The following CSMD1 variants were observed in gnomAD, a reference collection of about 807,000 sequenced individuals.
The protein encoded by CSMD1 is CUB and Sushi multiple domains 1.
Under a neutral mutation model 417.5 loss-of-function variants are expected in CSMD1, and 213 were observed. The observed-to-expected ratio is 0.51, with a 90% CI of 0.46 to 0.57. CSMD1 has a LOEUF of 0.57. Among genes scored for constraint, CSMD1 ranks in the 20% least tolerant of loss-of-function variants. The pLI is 0.00. For synonymous variants in CSMD1, 2,862 were observed against 1,736.8 expected, an observed-to-expected ratio of 1.65 and a Z score of -16.11; for missense variants, 6,923 against 4,529.7, an observed-to-expected ratio of 1.53 and a Z score of -15.17.
chr8:4,494,033 G>A (rs995039606), intron 2 of CSMD1, among the ~76,000 whole-genome samples: 2 of 152,128 alleles, frequency 1.3e-5, no homozygotes, highest in African/African-American at 4.8e-5. Context: ...GGCCCTGGGG[G>A]AAGGAACATG....
At chr8:4,673,024 C>T (rs116908237) in intron 1 of CSMD1, among the ~76,000 whole-genome samples, 1,619 of 152,134 alleles carry the variant, frequency 0.011, 4 homozygotes, top group South Asian at 0.017. Flanking sequence ...ATGGCACACA[C>T]GCACACGGTG....
At position 4,994,368 on chromosome 8, in the gene CSMD1, G is replaced by A. The variant is rs750460703; in HGVS notation, c.49C>T (p.Leu17=). ...GTGAGGAGCCTCGCGCACAGCACCA[G>A]CAGCCCGAGAAGCAGGAGCAGCGAC... is the stretch of plus-strand genomic sequence containing the variant. ...FQSLLLLLGL[L]VLCARLLTAA... The change falls in exon 1 of 70, where the codon CTG becomes TTG. Residue 17 remains leucine (L), a synonymous_variant. Transcript: ENST00000635120. 1.9e-6 allele frequency: 3 copies of A among 1,612,008 alleles called. No individual in the cohort carries two copies. Among genetic ancestry groups the A allele is most frequent in the Admixed American group, 1.7e-5 (1 of 60,028 alleles).
At chr8:4,756,112 C>A (rs774036590) in intron 1 of CSMD1, among the ~76,000 whole-genome samples, 1 of 152,150 alleles carries the variant, frequency 6.6e-6, no homozygotes, top group Non-Finnish European at 1.5e-5. Context: ...TTCTTTTTCA[C>A]AGGAGTATAT....
chr8:3,005,117 C>A (rs943347692), intron 52 of CSMD1, among the ~76,000 whole-genome samples: 1 of 152,022 alleles, frequency 6.6e-6, no homozygotes, highest in Non-Finnish European at 1.5e-5. Context: ...CCAGCCTGGA[C>A]GACAGAGCAA....
At position 4,260,197 on chromosome 8, in the gene CSMD1, G is replaced by A. The variant is rs369658710; in HGVS notation, c.415+159756C>T. On this transcript the variant is annotated intron_variant, in intron 3 of 69. Coordinates refer to ENST00000635120, the MANE Select transcript of CSMD1 (RefSeq NM_033225.6). ...TTGCAAGTATTGATTATTATCAGGT[G>A]TTGCCTATCTAATTGGGGTGAACAC... Among the ~76,000 whole-genome samples the A allele has an allele frequency of 3.3e-5, 5 of 152,138 alleles. No homozygotes were observed. The East Asian group carries it at 5.8e-4, about 18-fold the overall frequency.
At chr8:4,884,472 T>G (rs1348945454) in intron 1 of CSMD1, among the ~76,000 whole-genome samples, 1 of 152,028 alleles carries the variant, frequency 6.6e-6, no homozygotes, top group Non-Finnish European at 1.5e-5. Context: ...CCTGTAGAGA[T>G]TCATGCCTGT....
At chr8:4,611,910 T>C (rs1801195036) in intron 2 of CSMD1, among the ~76,000 whole-genome samples, 1 of 152,184 alleles carries the variant, frequency 6.6e-6, no homozygotes, top group Admixed American at 6.5e-5. Flanking sequence ...CAGTGACAAA[T>C]TCTACATTCC....
intron 3 of CSMD1, among the ~76,000 whole-genome samples, chr8:4,358,166 A>T (rs1050100749): frequency 8.5e-5 from 13 of 152,192 alleles, no homozygotes; most frequent in African/African-American, 3.1e-4. Context: ...CAAAATTATG[A>T]TGACGTTCAC....
In CSMD1 at chr8:4,032,038, C is replaced by T. The variant is rs111253069; in HGVS notation, c.477G>A (p.Thr159=). 402 of 1,613,928 alleles carry T rather than the reference C, an allele frequency of 2.5e-4. No individual in the cohort carries two copies. Among genetic ancestry groups the T allele is most frequent in the Non-Finnish European group, 3.0e-4 (359 of 1,179,862 alleles). The stretch of plus-strand genomic sequence containing the variant: ...GGATTTTGTCTCCTATGTTGAATCT[C>T]GTTCCATGCAGAACTCCTTTCAGGA... ...GEILKGVLHG[T]RFNIGDKIRY... The change falls in exon 4 of 70, where the codon ACG becomes ACA. Residue 159 remains threonine (T), a synonymous_variant. Coordinates refer to ENST00000635120, the MANE Select transcript of CSMD1 (RefSeq NM_033225.6).
intron 10 of CSMD1, among the ~76,000 whole-genome samples, chr8:3,527,025 T>G (rs1043241642): frequency 1.3e-4 from 20 of 152,052 alleles, no homozygotes; most frequent in African/African-American, 4.6e-4. Context: ...ACTCAGAATG[T>G]GGCTGGGCTG....
intron 48 of CSMD1, among the ~76,000 whole-genome samples, chr8:3,090,039 C>T (rs1033787395): frequency 4.6e-5 from 7 of 152,170 alleles, no homozygotes; most frequent in East Asian, 1.9e-4. Flanking sequence ...ATCGGCCGGG[C>T]GCGGTGGCTT....
chr8:3,877,941 T>C (rs1166049212), intron 5 of CSMD1, among the ~76,000 whole-genome samples: 1 of 152,108 alleles, frequency 6.6e-6, no homozygotes, highest in Non-Finnish European at 1.5e-5. Flanking sequence ...CCTAAAGCTT[T>C]GTCTACATCA....
intron 7 of CSMD1, among the ~76,000 whole-genome samples, chr8:3,648,368 T>A (rs1797682249): frequency 6.6e-6 from 1 of 152,216 alleles, no homozygotes; most frequent in South Asian, 2.1e-4. Context: ...CAGAGAAATT[T>A]TCAAATTAAG....
At chr8:3,979,277 G>C (rs1318613957) in intron 5 of CSMD1, among the ~76,000 whole-genome samples, 1 of 152,200 alleles carries the variant, frequency 6.6e-6, no homozygotes, top group Non-Finnish European at 1.5e-5. Context: ...GGATTGCAAT[G>C]TGCTCTAATT....
rs62638760 is a variant in CSMD1, at chr8:3,795,764, C to A, written c.819-41722G>T. On this transcript the variant is annotated intron_variant, in intron 5 of 69. Coordinates refer to ENST00000635120, the MANE Select transcript of CSMD1 (RefSeq NM_033225.6). The stretch of plus-strand genomic sequence containing the variant: ...AGCTATAGATACCTATCATGTACAG[C>A]TATAGATACCTATCATGTACAGATA... Among the ~76,000 whole-genome samples the A allele has an allele frequency of 4.5e-3, 64 of 14,114 alleles. 12 individuals are homozygous for A. The highest frequency in any genetic ancestry group is 0.17 in the Middle Eastern group (1 of 6). 9.3% of individuals were successfully genotyped at this position (14,114 alleles called of 152,430 possible).
At chr8:3,399,560 C>A (rs1209920392) in intron 15 of CSMD1, 31 bp from the exon 16 acceptor site, 2 of 1,528,338 alleles carry the variant, frequency 1.3e-6, no homozygotes, top group Admixed American at 2.0e-5. Flanking sequence ...TCTATTAGAT[C>A]CAATGAGACA....
In CSMD1 at chr8:3,320,033, G is replaced by T. The variant is rs186046095; in HGVS notation, c.3632-11530C>A. The stretch of plus-strand genomic sequence containing the variant: ...CGGGCCCCAACTTCAGGAGTGTCTG[G>T]CCCAGAACCTCATCACTACCATGAA... On this transcript the variant is annotated intron_variant, in intron 23 of 69. Transcript: ENST00000635120. Among the ~76,000 whole-genome samples, 30 of 152,096 alleles carry T rather than the reference G, an allele frequency of 2.0e-4. No homozygotes were observed. The East Asian group carries it at 5.8e-3, about 29-fold the overall frequency.
rs527861165 is a variant in CSMD1, at chr8:4,227,833, T to C, written c.415+192120A>G. ...CCCACACCAGGAGACATACTCTCCA[T>C]CCTGCATTAAACCCCACACCAGGAG... On this transcript the variant is annotated intron_variant, in intron 3 of 69. Coordinates refer to ENST00000635120, the MANE Select transcript of CSMD1 (RefSeq NM_033225.6). 6.4e-4 allele frequency among the ~76,000 whole-genome samples: 90 copies of C among 140,746 alleles called. 1 individual carries two copies. In the South Asian group the frequency reaches 0.011, roughly 17 times the overall value. 92.3% of individuals were successfully genotyped at this position (140,746 alleles called of 152,430 possible). A position where few individuals can be genotyped will look rare whatever the true frequency, so the allele number is the denominator to read the frequency against.
chr8:4,364,495 G>A (rs1243766158), intron 3 of CSMD1, among the ~76,000 whole-genome samples: 2 of 152,002 alleles, frequency 1.3e-5, no homozygotes, highest in African/African-American at 4.8e-5. Context: ...TTGCTTTCTA[G>A]AAGACTCTAC....
Sources: allele counts gnomAD v4.1 joint callset (sites outside exome capture counted in the v4.1 genomes callset), GRCh38; gene constraint gnomAD v4.1.1; transcripts MANE v1.5; gene names NCBI Gene and HGNC (gene_info 2026-07-23, HGNC 2026-07-21).